Variants in CAMKMT observed in about 807,000 individuals in gnomAD.
CAMKMT encodes the protein calmodulin-lysine N-methyltransferase, also known as CaM KMT.
Under a neutral mutation model 48.0 loss-of-function variants are expected in CAMKMT, and 53 were observed. The observed-to-expected ratio is 1.10, with a 90% confidence interval of 0.89 to 1.39. The LOEUF is 1.39. CAMKMT is among the 40% of genes most tolerant of loss of function. The pLI is 0.00. For missense variants in CAMKMT, 428 were observed against 402.7 expected (o/e 1.06, Z -0.54); for synonymous variants, 165 against 152.3 (o/e 1.08, Z -0.61).
At chr2:44,463,622 C>T (rs933983562) in intron 3 of CAMKMT, among the ~76,000 whole-genome samples, 1 of 152,112 alleles carries the variant, frequency 6.6e-6, no homozygotes, top group African/African-American at 2.4e-5. Context: ...CCTTGGATAC[C>T]TGGGGTCTAC....
rs950024630 is a variant in CAMKMT at position 44,383,875 on chromosome 2, T to C, written c.312-6366T>C. Among the ~76,000 whole-genome samples, 12 of 152,224 alleles carry C rather than the reference T, an allele frequency of 7.9e-5. 1 individual carries two copies. In the South Asian group the frequency reaches 2.1e-3, roughly 26 times the overall value. Reference sequence around the variant, plus strand: ...CACAGTTTCTTTATCCACTCGTTGATTGATGGGCATTTGGGTTGGTTCCAC... The same window carrying C: ...CACAGTTTCTTTATCCACTCGTTGACTGATGGGCATTTGGGTTGGTTCCAC... On this transcript the variant is annotated intron_variant, in intron 2 of 10. Transcript: ENST00000378494.
chr2:44,722,754 T>C (rs1252999403), intron 7 of CAMKMT, among the ~76,000 whole-genome samples: 1 of 152,256 alleles, frequency 6.6e-6, no homozygotes, highest in Admixed American at 6.5e-5. Context: ...TTGTACTTTC[T>C]AGTCCATTCA....
chr2:44,622,991 C>T (rs969589848), intron 3 of CAMKMT, among the ~76,000 whole-genome samples: 2 of 152,170 alleles, frequency 1.3e-5, no homozygotes, highest in African/African-American at 4.8e-5. Flanking sequence ...CAGCCCTCAC[C>T]AACATCTGTT....
chr2:44,379,758 C>CT (rs970650736), intron 2 of CAMKMT, among the ~76,000 whole-genome samples: 5 of 148,368 alleles, frequency 3.4e-5, no homozygotes, highest in South Asian at 2.1e-4. Flanking sequence ...TCTCTGCCTG[C>CT]TTTTTTTTTA....
intron 3 of CAMKMT, among the ~76,000 whole-genome samples, chr2:44,504,265 G>C (rs926482224): frequency 2.6e-5 from 4 of 152,094 alleles, no homozygotes; most frequent in African/African-American, 9.7e-5. Context: ...TCTTCCCCCA[G>C]AATCCTAGAA....
chr2:44,537,336 G>T (rs904374455), intron 3 of CAMKMT, among the ~76,000 whole-genome samples: 1 of 152,008 alleles, frequency 6.6e-6, no homozygotes, highest in African/African-American at 2.4e-5. Context: ...CAAACAAACA[G>T]TTCCATTAAA....
rs144408115 is a variant in CAMKMT, at chr2:44,654,797, G to A, written c.377-49486G>A. Among the ~76,000 whole-genome samples the A allele has an allele frequency of 5.3e-3, 805 of 152,248 alleles. 5 individuals are homozygous for A. Among genetic ancestry groups the A allele is most frequent in the African/African-American group, 0.017 (690 of 41,528 alleles). On this transcript the variant is annotated intron_variant, in intron 3 of 10. Transcript: ENST00000378494. ...CCCAAAGTGCTGGGATTACAGGCGTGAGCCACTGCGCCCGGCCTACACGCC... is the reference window on the plus strand; with the variant it reads ...CCCAAAGTGCTGGGATTACAGGCGTAAGCCACTGCGCCCGGCCTACACGCC...
chr2:44,709,892 G>A (rs894727427), intron 6 of CAMKMT, among the ~76,000 whole-genome samples: 2 of 152,086 alleles, frequency 1.3e-5, no homozygotes, highest in African/African-American at 4.8e-5. Context: ...TATTCTTAAT[G>A]GGCAAGATGA....
At chr2:44,564,795 C>G (rs556197730) in intron 3 of CAMKMT, among the ~76,000 whole-genome samples, 1 of 152,170 alleles carries the variant, frequency 6.6e-6, no homozygotes, top group African/African-American at 2.4e-5. Context: ...CTGCTTTGGC[C>G]CCCCAAAGAA....
chr2:44,607,740 A>G (rs1671365445), intron 3 of CAMKMT, among the ~76,000 whole-genome samples: 1 of 152,202 alleles, frequency 6.6e-6, no homozygotes, highest in Non-Finnish European at 1.5e-5. Context: ...GTATTTCTGC[A>G]TATGTAATTA....
chr2:44,755,129 G>T (rs1462289720), intron 9 of CAMKMT, among the ~76,000 whole-genome samples: 2 of 152,106 alleles, frequency 1.3e-5, no homozygotes, highest in Non-Finnish European at 2.9e-5. Flanking sequence ...GCCATACACT[G>T]TTGCTTTTTA....
chr2:44,376,225 A>T (rs950619305), intron 2 of CAMKMT, among the ~76,000 whole-genome samples: 34 of 152,126 alleles, frequency 2.2e-4, no homozygotes, highest in African/African-American at 7.2e-4. Context: ...AGCCTGGCCA[A>T]CATGCTGAAA....
intron 3 of CAMKMT, among the ~76,000 whole-genome samples, chr2:44,690,039 A>C (rs537998079): frequency 6.6e-6 from 1 of 152,222 alleles, no homozygotes; most frequent in African/African-American, 2.4e-5. Flanking sequence ...TCTGAGATTT[A>C]ATTAACAAAG....
At chr2:44,633,352 T>A (rs1672946577) in intron 3 of CAMKMT, among the ~76,000 whole-genome samples, 1 of 152,204 alleles carries the variant, frequency 6.6e-6, no homozygotes, top group Non-Finnish European at 1.5e-5. Context: ...TTCCTTTGAA[T>A]ATATTTCTGT....
chr2:44,456,223 A>G (rs569572318), intron 3 of CAMKMT, among the ~76,000 whole-genome samples: 1 of 152,230 alleles, frequency 6.6e-6, no homozygotes, highest in East Asian at 1.9e-4. Flanking sequence ...TATGAAAACA[A>G]GTGTTCATTT....
intron 10 of CAMKMT, among the ~76,000 whole-genome samples, chr2:44,770,234 G>T (rs1216317767): frequency 6.6e-6 from 1 of 152,166 alleles, no homozygotes; most frequent in Non-Finnish European, 1.5e-5. Context: ...TAACAGACTT[G>T]CTTGATTCAG....
At chr2:44,402,622 T>C (rs1296671583) in intron 3 of CAMKMT, among the ~76,000 whole-genome samples, 1 of 151,796 alleles carries the variant, frequency 6.6e-6, no homozygotes, top group Non-Finnish European at 1.5e-5. Context: ...TTTTTTTGAA[T>C]TACTCTTTTA....
intron 3 of CAMKMT, among the ~76,000 whole-genome samples, chr2:44,622,233 C>A (rs1396478609): frequency 6.6e-6 from 1 of 152,108 alleles, no homozygotes. Flanking sequence ...AGGAAAACTT[C>A]CACTTATTTA....
intron 3 of CAMKMT, among the ~76,000 whole-genome samples, chr2:44,624,381 G>T (rs1672361138): frequency 6.6e-6 from 1 of 151,906 alleles, no homozygotes; most frequent in Admixed American, 6.6e-5. Context: ...CAATGTGCAG[G>T]TTTGTTACAT....
Sources: allele counts gnomAD v4.1 joint callset (sites outside exome capture counted in the v4.1 genomes callset), GRCh38; gene constraint gnomAD v4.1.1; transcripts MANE v1.5; gene names NCBI Gene and HGNC (gene_info 2026-07-23, HGNC 2026-07-21).